XXYLT1: variants seen among roughly 807,000 people sequenced by gnomAD.
XXYLT1 encodes the protein UDP-xylose:alpha-xyloside alpha-1,3-xylosyltransferase.
A neutral mutation model predicts 28.9 loss-of-function variants in XXYLT1; 20 were observed. The observed-to-expected ratio is 0.69, with a 90% confidence interval of 0.49 to 1.00. XXYLT1 has a LOEUF of 1.00. XXYLT1 is among the 50% of genes least tolerant of loss of function. XXYLT1 has a pLI of 0.00. For missense variants in XXYLT1, 542 were observed against 560.1 expected (o/e 0.97, Z 0.33); for synonymous variants, 257 against 253.8 (o/e 1.01, Z -0.12).
rs1722007204 is a variant in XXYLT1, at chr3:195,182,644, T to G, written c.653-26063A>C. The stretch of plus-strand genomic sequence containing the variant: ...CCCCCACTCCCCTGAAACCTAGCAA[T>G]AAGCCGAGGTCTGCTTTCCCCATCA... On this transcript the variant is annotated intron_variant, in intron 2 of 3. Transcript: ENST00000310380. 2.6e-5 allele frequency among the ~76,000 whole-genome samples: 4 copies of G among 152,264 alleles called. No individual in the cohort carries two copies. The South Asian group carries it at 8.3e-4, about 32-fold the overall frequency.
Position 195,270,842 on chromosome 3 carries a change from G to A in XXYLT1, c.217C>T (p.Leu73=), listed in dbSNP as rs1477723843. The change falls in exon 1 of 4, where the codon CTA becomes TTA. Residue 73 remains leucine (L), a synonymous_variant. Transcript: ENST00000310380. ...GCTGGCGCCACGGAGCCCCGCGCTA[G>A]CTCCAGCGCGGGCGGCGAGGGCGCG... ...PAAPSPPALE[L]ARGSVAPAPG... The A allele has an allele frequency of 2.1e-6, 3 of 1,422,288 alleles. No individual in the cohort carries two copies. The highest frequency in any genetic ancestry group is 3.5e-5 in the Admixed American group (1 of 28,866). 88.1% of individuals were successfully genotyped at this position (1,422,288 alleles called of 1,614,324 possible).
chr3:195,259,469 A>C (rs1725601668), intron 1 of XXYLT1: 1 of 586,120 alleles, frequency 1.7e-6, no homozygotes, highest in African/African-American at 2.0e-5. Flanking sequence ...CCTGGATGGG[A>C]AGGCTGTGAG....
rs971496793 is a variant in XXYLT1 at position 195,180,671 on chromosome 3, G to A, written c.653-24090C>T. On this transcript the variant is annotated intron_variant, in intron 2 of 3. Transcript: ENST00000310380. This position sits in a 1 kb window ranked among gnomAD's most constrained non-coding sequence, Gnocchi z 5.8. ...CCCGTGCCACTGCAAACGTGACCAG[G>A]AACATGGGTCTGACAGCTCTGGACA... Among the ~76,000 whole-genome samples the A allele has an allele frequency of 3.9e-5, 6 of 152,248 alleles. No individual in the cohort carries two copies. In the South Asian group the frequency reaches 8.3e-4, roughly 21 times the overall value.
chr3:195,096,910 T>C (rs1347110029), intron 3 of XXYLT1, among the ~76,000 whole-genome samples: 1 of 152,212 alleles, frequency 6.6e-6, no homozygotes, highest in Non-Finnish European at 1.5e-5. Flanking sequence ...TTGCTGGAGG[T>C]TAGAAATAGT....
chr3:195,246,810 A>C (rs1482386729), intron 1 of XXYLT1, among the ~76,000 whole-genome samples: 1 of 152,150 alleles, frequency 6.6e-6, no homozygotes, highest in East Asian at 1.9e-4. Context: ...CCACAAGCAT[A>C]AATCCAGGAT....
At chr3:195,110,595 TG>T (rs2108697082) in intron 3 of XXYLT1, among the ~76,000 whole-genome samples, 1 of 138,424 alleles carries the variant, frequency 7.2e-6, no homozygotes, top group South Asian at 2.4e-4. Flanking sequence ...TATGTGTGTG[TG>T]TGCTGTATGT....
At chr3:195,146,290 T>C (rs966268746) in intron 3 of XXYLT1, among the ~76,000 whole-genome samples, 4 of 152,240 alleles carry the variant, frequency 2.6e-5, no homozygotes, top group South Asian at 2.1e-4. Flanking sequence ...TTGCTTTTTT[T>C]CCCCAGGAAG....
At chr3:195,175,978 C>T in intron 2 of XXYLT1, 1 of 1,193,526 alleles carries the variant, frequency 8.4e-7, no homozygotes, top group Non-Finnish European at 1.1e-6. Flanking sequence ...CTTACTAACA[C>T]AGAGGTCATC....
intron 1 of XXYLT1, among the ~76,000 whole-genome samples, chr3:195,266,077 A>C (rs1038583387): frequency 2.0e-5 from 3 of 152,206 alleles, no homozygotes; most frequent in South Asian, 4.1e-4. Flanking sequence ...GAAGCAGAGC[A>C]AGCAAAGCGC....
intron 3 of XXYLT1, chr3:195,147,969 CAGG>C (rs993133126): frequency 6.6e-6 from 1 of 152,236 alleles, no homozygotes; most frequent in African/African-American, 2.4e-5. Context: ...TTTTCAGACA[CAGG>C]AAGCTTTTCA....
chr3:195,096,361 CAT>C (rs1560091898), intron 3 of XXYLT1, among the ~76,000 whole-genome samples: 1 of 152,202 alleles, frequency 6.6e-6, no homozygotes, highest in Non-Finnish European at 1.5e-5. Flanking sequence ...GGAGAAACAA[CAT>C]GTGACGCAGA....
intron 2 of XXYLT1, among the ~76,000 whole-genome samples, chr3:195,182,496 C>T (rs1027306465): frequency 6.6e-6 from 1 of 152,184 alleles, no homozygotes; most frequent in African/African-American, 2.4e-5. Context: ...TGCAAATGGG[C>T]AAGCCTCAGA....
intron 1 of XXYLT1, among the ~76,000 whole-genome samples, chr3:195,239,974 C>T (rs115721814): frequency 6.6e-6 from 1 of 152,336 alleles, no homozygotes; most frequent in African/African-American, 2.4e-5. Flanking sequence ...CACTAACCTT[C>T]AGGAATATCC....
chr3:195,268,950 G>C (rs1725931595), intron 1 of XXYLT1, among the ~76,000 whole-genome samples: 1 of 152,216 alleles, frequency 6.6e-6, no homozygotes, highest in South Asian at 2.1e-4. Context: ...CAGCACCAGG[G>C]AAGTAGAAAA....
chr3:195,160,820 G>T (rs1317104603), intron 2 of XXYLT1, among the ~76,000 whole-genome samples: 1 of 152,234 alleles, frequency 6.6e-6, no homozygotes, highest in African/African-American at 2.4e-5. Flanking sequence ...CACAGACCCA[G>T]GGCGTGTCCC....
intron 3 of XXYLT1, among the ~76,000 whole-genome samples, chr3:195,143,883 TATATATTTATTTTTTATTTTTA>T: frequency 1.6e-5 from 2 of 128,282 alleles, no homozygotes; most frequent in African/African-American, 6.1e-5. Context: ...TATATATATA[TATATATTTATTTTTTATTTTTA>T]TTTTTTTTTT....
intron 2 of XXYLT1, among the ~76,000 whole-genome samples, chr3:195,185,155 AAG>A: frequency 6.6e-6 from 1 of 151,862 alleles, no homozygotes; most frequent in Admixed American, 6.5e-5. Context: ...GGAAGGAAAA[AAG>A]AAAAAGAAAA....
At chr3:195,162,301 C>T (rs558277578) in intron 2 of XXYLT1, among the ~76,000 whole-genome samples, 1 of 152,122 alleles carries the variant, frequency 6.6e-6, no homozygotes, top group Non-Finnish European at 1.5e-5. Flanking sequence ...TTTGCAGGCT[C>T]TGCCCAGACA....
At chr3:195,251,198 T>C (rs1725238839) in intron 1 of XXYLT1, among the ~76,000 whole-genome samples, 1 of 152,218 alleles carries the variant, frequency 6.6e-6, no homozygotes, top group Non-Finnish European at 1.5e-5. Flanking sequence ...CCCCACCTGC[T>C]GGCTCCCCAA....
Sources: gnomAD v4.1 joint callset for allele counts (sites outside exome capture counted in the v4.1 genomes callset) on GRCh38, gnomAD v4.1.1 for gene constraint, Gnocchi (gnomAD v3.1) non-coding constraint, MANE v1.5 for transcripts, NCBI Gene and HGNC (gene_info 2026-07-23, HGNC 2026-07-21) for gene names.